SETDB2: variants seen among roughly 807,000 people sequenced by gnomAD.
SETDB2 encodes the protein SET domain bifurcated histone lysine methyltransferase 2.
SETDB2 carries 56 observed loss-of-function variants against 82.5 expected under a neutral mutation model. The observed-to-expected ratio is 0.68, with a 90% CI of 0.55 to 0.85. The LOEUF (loss-of-function observed/expected upper bound fraction) is 0.85. SETDB2 is among the 40% of genes least tolerant of loss of function. SETDB2 has a pLI of 0.00. For synonymous variants in SETDB2, 272 were observed against 284.9 expected, an observed-to-expected ratio of 0.95 and a Z score of 0.46; for missense variants, 677 against 816.4, an observed-to-expected ratio of 0.83 and a Z score of 2.08.
intron 4 of SETDB2, among the ~76,000 whole-genome samples, chr13:49,466,998 A>G (rs1051814454): frequency 6.6e-6 from 1 of 152,114 alleles, no homozygotes; most frequent in African/African-American, 2.4e-5. Context: ...AAAATTAAAG[A>G]CAGATATTTG....
chr13:49,471,864 C>G (rs73491263), intron 5 of SETDB2, among the ~76,000 whole-genome samples: 4,163 of 149,476 alleles, frequency 0.028, 210 homozygotes, highest in African/African-American at 0.098. Flanking sequence ...CCAAACATAG[C>G]TGCCCCAGCT....
At chr13:49,485,573 CT>C (rs1958581956) in intron 10 of SETDB2, 56 bp from the exon 11 acceptor site, 1 of 1,390,122 alleles carries the variant, frequency 7.2e-7, no homozygotes, top group Non-Finnish European at 1.0e-6. Flanking sequence ...AGAGGCCTAA[CT>C]GCTAAATACT....
intron 5 of SETDB2, among the ~76,000 whole-genome samples, chr13:49,474,157 G>A (rs1423474245): frequency 1.3e-5 from 2 of 152,206 alleles, no homozygotes; most frequent in Non-Finnish European, 2.9e-5. Context: ...AGCTACTTGG[G>A]AGGCTAAGGC....
At chr13:49,489,916 C>T (rs924400683) in intron 12 of SETDB2, among the ~76,000 whole-genome samples, 7 of 49,002 alleles carry the variant, frequency 1.4e-4, no homozygotes, top group Non-Finnish European at 4.6e-4. Context: ...CGCCCCCCCC[C>T]CCTTTTTTTT....
chr13:49,493,456 T>C lies in SETDB2; in HGVS notation c.*1607T>C, dbSNP rs1056009263. ...ATTTCTCCTAAAATCTTGATTTGCT[T>C]TAGTCTGGACTGGTTCATAGCCATC... On this transcript the variant is annotated 3_prime_UTR_variant, in exon 14 of 14. Coordinates refer to ENST00000611815, the MANE Select transcript of SETDB2 (RefSeq NM_001160308.3). 1 of 152,210 alleles carries C rather than the reference T, an allele frequency of 6.6e-6. No individual in the cohort carries two copies. Among genetic ancestry groups the C allele is most frequent in the Non-Finnish European group, 1.5e-5 (1 of 68,042 alleles). 9.4% of individuals were successfully genotyped at this position (152,210 alleles called of 1,614,324 possible).
chr13:49,488,283 C>A lies in SETDB2; in HGVS notation c.1577-7C>A. 1 of 1,569,520 alleles carries A rather than the reference C, an allele frequency of 6.4e-7. No individual in the cohort carries two copies. On this transcript the variant is annotated splice_region_variant and splice_polypyrimidine_tract_variant and intron_variant, in intron 11 of 13. Transcript: ENST00000611815. ...TTCCTGATGTTTCCTTCCAAAATGT[C>A]TATTAGAGGACTCAAGTTCAAACCA...
chr13:49,480,811 A>G, intron 7 of SETDB2, 136 bp from the exon 8 acceptor site: 2 of 762,342 alleles, frequency 2.6e-6, no homozygotes. Context: ...GGAAGCTGTG[A>G]TGGGAACCCA....
intron 6 of SETDB2, among the ~76,000 whole-genome samples, chr13:49,478,743 C>T (rs938984596): frequency 6.6e-6 from 1 of 151,960 alleles, no homozygotes; most frequent in Non-Finnish European, 1.5e-5. Context: ...CCTGAGCAAC[C>T]TAGCGAAACC....
intron 4 of SETDB2, among the ~76,000 whole-genome samples, chr13:49,462,720 A>G (rs1054596330): frequency 2.0e-5 from 3 of 152,198 alleles, no homozygotes; most frequent in African/African-American, 7.2e-5. Context: ...TTTGTCTTTT[A>G]TAATTTGGAG....
chr13:49,494,948 G>T lies in SETDB2; in HGVS notation c.*3099G>T, dbSNP rs1046181305. On this transcript the variant is annotated 3_prime_UTR_variant, in exon 14 of 14. Coordinates refer to ENST00000611815, the MANE Select transcript of SETDB2 (RefSeq NM_001160308.3). ...TTAGATTCACTGAAAACCTCATCTTGTATGGTGCTCTGTACCCTATGGGTG... is the reference window on the plus strand; with the variant it reads ...TTAGATTCACTGAAAACCTCATCTTTTATGGTGCTCTGTACCCTATGGGTG... 5 of 151,782 alleles carry T rather than the reference G, an allele frequency of 3.3e-5. No homozygotes were observed. The highest frequency in any genetic ancestry group is 3.3e-4 in the Admixed American group (5 of 15,248). The allele number at this position is 151,782 out of a possible 1,614,324, so 9.4% of individuals were successfully genotyped here.
At chr13:49,468,065 C>A (rs1958153236) in intron 5 of SETDB2, 105 bp downstream of exon 5, 3 of 653,076 alleles carry the variant, frequency 4.6e-6, no homozygotes, top group Non-Finnish European at 7.0e-6. Flanking sequence ...AAATTTTTCC[C>A]ATTAAAGCTT....
chr13:49,454,110 A>G (rs376576443), intron 2 of SETDB2, among the ~76,000 whole-genome samples: 1 of 152,136 alleles, frequency 6.6e-6, no homozygotes, highest in East Asian at 1.9e-4. Context: ...TCCAGTATAT[A>G]TATGTAGCAG....
In SETDB2 at chr13:49,451,814, A is replaced by T. The variant is rs1408296125; in HGVS notation, c.-80A>T. The T allele has an allele frequency of 8.8e-7, 1 of 1,139,096 alleles. No homozygotes were observed. Among genetic ancestry groups the T allele is most frequent in the Admixed American group, 2.0e-5 (1 of 50,294 alleles). The allele number at this position is 1,139,096 out of a possible 1,614,324, so 70.6% of individuals were successfully genotyped here. ...CAAATTTTATAGAGACCACAGTTGG[A>T]TTCCAGTGATATTCTGCAATCAAAG... On this transcript the variant is annotated 5_prime_UTR_variant, in exon 2 of 14. Coordinates refer to ENST00000611815, the MANE Select transcript of SETDB2 (RefSeq NM_001160308.3).
chr13:49,456,935 A>G (rs1276264877), intron 2 of SETDB2, among the ~76,000 whole-genome samples: 1 of 152,200 alleles, frequency 6.6e-6, no homozygotes, highest in East Asian at 1.9e-4. Context: ...TGAAAATTAA[A>G]CCTAGCAATA....
chr13:49,489,816 G>A, intron 12 of SETDB2, among the ~76,000 whole-genome samples: 2 of 147,380 alleles, frequency 1.4e-5, no homozygotes, highest in Non-Finnish European at 3.0e-5. Context: ...GGCTGGTCTT[G>A]AACTCCTGAC....
In SETDB2 at chr13:49,490,867, A is replaced by G. The variant is rs1958698432; in HGVS notation, c.1963A>G (p.Thr655Ala). The change falls in exon 13 of 14, where the codon ACA becomes GCA. Residue 655 changes from threonine to alanine, a missense_variant. Around this residue, in one of 3 missense-constraint regions of SETDB2, gnomAD observed 420 missense variants for 554.6 expected, o/e 0.76. Coordinates refer to ENST00000611815, the MANE Select transcript of SETDB2 (RefSeq NM_001160308.3). ...CTTGGTACAGAATGTTTTTGTAGAA[A>G]CACACAACAGGAATTTTCCATTGGT... ...NLLVQNVFVE[T>A]HNRNFPLVAF... 2 of 1,613,542 alleles carry G rather than the reference A, an allele frequency of 1.2e-6. No individual in the cohort carries two copies. Among genetic ancestry groups the G allele is most frequent in the Middle Eastern group, 1.6e-4 (1 of 6,080 alleles).
At chr13:49,490,279 C>CAAAAAAA (rs60013535) in intron 12 of SETDB2, among the ~76,000 whole-genome samples, 72 of 83,110 alleles carry the variant, frequency 8.7e-4, no homozygotes, top group East Asian at 2.7e-3. Flanking sequence ...GACTCCGTCT[C>CAAAAAAA]AAAAAAAAAA....
chr13:49,494,925 A>G lies in SETDB2; in HGVS notation c.*3076A>G, dbSNP rs996926237. 1 of 152,168 alleles carries G rather than the reference A, an allele frequency of 6.6e-6. No homozygotes were observed. The highest frequency in any genetic ancestry group is 1.5e-5 in the Non-Finnish European group (1 of 68,032). The allele number at this position is 152,168 out of a possible 1,614,324, so 9.4% of individuals were successfully genotyped here. On this transcript the variant is annotated 3_prime_UTR_variant, in exon 14 of 14. Transcript: ENST00000611815. Reference sequence around the variant, plus strand: ...AACTATAATTATATGCATTTATGTTAGATTCACTGAAAACCTCATCTTGTA... The same window carrying G: ...AACTATAATTATATGCATTTATGTTGGATTCACTGAAAACCTCATCTTGTA...
intron 5 of SETDB2, among the ~76,000 whole-genome samples, chr13:49,474,135 G>A (rs190397575): frequency 2.6e-5 from 4 of 152,328 alleles, no homozygotes; most frequent in African/African-American, 7.2e-5. Flanking sequence ...GGTGGCACAT[G>A]CCTGTAATCC....
Sources: allele counts gnomAD v4.1 joint callset (sites outside exome capture counted in the v4.1 genomes callset), GRCh38; gene constraint gnomAD v4.1.1; regional missense constraint gnomAD v4.1.1; transcripts MANE v1.5; gene names NCBI Gene and HGNC (gene_info 2026-07-23, HGNC 2026-07-21).